The following ROBO2 variants were observed in gnomAD, a reference collection of about 807,000 sequenced individuals.
ROBO2 encodes the protein roundabout homolog 2.
In ROBO2, 53 loss-of-function variants were observed where a neutral mutation model predicts 160.8. That is an observed-to-expected ratio of 0.33 (90% CI 0.26 to 0.41). ROBO2 has a LOEUF of 0.41. ROBO2 is among the 10% of genes least tolerant of loss of function. The pLI is 1.00. For synonymous variants in ROBO2, 664 were observed against 611.7 expected (o/e 1.09, Z -1.26); for missense variants, 1,577 against 1,722.4 (o/e 0.92, Z 1.49).
chr3:77,020,999 G>A (rs933285972), intron 2 of ROBO2, among the ~76,000 whole-genome samples: 3 of 152,006 alleles, frequency 2.0e-5, no homozygotes, highest in Non-Finnish European at 4.4e-5. Flanking sequence ...GAGCTCAGGG[G>A]TTCAAGACCA....
intron 2 of ROBO2, among the ~76,000 whole-genome samples, chr3:77,285,054 T>C (rs2060489285): frequency 1.3e-5 from 2 of 152,024 alleles, no homozygotes; most frequent in African/African-American, 2.4e-5. Flanking sequence ...CCACAGACAG[T>C]ATTATCCCCT....
chr3:77,522,316 T>C (rs2090685236), intron 5 of ROBO2, among the ~76,000 whole-genome samples: 1 of 151,262 alleles, frequency 6.6e-6, no homozygotes. Flanking sequence ...TTTTGTCAAT[T>C]TGCCAACAAA....
At chr3:76,014,208 T>G (rs1046565732) in intron 2 of ROBO2, among the ~76,000 whole-genome samples, 4 of 130,238 alleles carry the variant, frequency 3.1e-5, no homozygotes, top group Non-Finnish European at 4.6e-5. Flanking sequence ...ATCCCAGAAG[T>G]AATATGTATA....
chr3:76,622,546 G>A (rs1411935875), intron 2 of ROBO2, among the ~76,000 whole-genome samples: 1 of 152,034 alleles, frequency 6.6e-6, no homozygotes, highest in African/African-American at 2.4e-5. Flanking sequence ...TACAACAGGA[G>A]TCATTCAAAA....
At chr3:76,625,606 A>C (rs1235494357) in intron 2 of ROBO2, among the ~76,000 whole-genome samples, 1 of 152,176 alleles carries the variant, frequency 6.6e-6, no homozygotes, top group Non-Finnish European at 1.5e-5. Context: ...TAAAAAAGGA[A>C]GTAAAGGAGG....
rs1418849487 is a variant in ROBO2 at position 77,333,658 on chromosome 3, C to T, written c.389-143756C>T. Among the ~76,000 whole-genome samples the T allele has an allele frequency of 2.6e-5, 4 of 152,162 alleles. No homozygotes were observed. The East Asian group carries it at 5.8e-4, about 22-fold the overall frequency. ...ACCATCACATATGCCTAAATTTTTA[C>T]GAATGTGTGTCCAGTATATTGTTAT... On this transcript the variant is annotated intron_variant, in intron 2 of 25. Coordinates refer to ENST00000461745, the Ensembl canonical transcript of ROBO2.
chr3:75,940,397 G>C (rs1947998157), intron 2 of ROBO2, among the ~76,000 whole-genome samples: 1 of 152,132 alleles, frequency 6.6e-6, no homozygotes, highest in Admixed American at 6.5e-5. Context: ...GGGATGAATG[G>C]TGGGTTGGAA....
chr3:76,595,047 G>A lies in ROBO2; in HGVS notation c.110-502967G>A, dbSNP rs553532127. Among the ~76,000 whole-genome samples, 22 of 152,046 alleles carry A rather than the reference G, an allele frequency of 1.4e-4. No homozygotes were observed. The South Asian group carries it at 3.1e-3, about 21-fold the overall frequency. Reference sequence around the variant, plus strand: ...GGATTAGTGCCCTGATGAGACTGGAGAAAGATGAGGATACATGGAGAAAAC... The same window carrying A: ...GGATTAGTGCCCTGATGAGACTGGAAAAAGATGAGGATACATGGAGAAAAC... On this transcript the variant is annotated intron_variant, in intron 2 of 26. Coordinates refer to the ROBO2 transcript ENST00000487694.
chr3:76,854,079 C>CCTCT (rs148459468), intron 2 of ROBO2, among the ~76,000 whole-genome samples: 80,338 of 132,042 alleles, frequency 0.61, 23,643 homozygotes, highest in Non-Finnish European at 0.65. Context: ...TCTCTGTCTG[C>CCTCT]CTCTCTCTCT....
At chr3:76,320,169 C>T (rs1028911495) in intron 2 of ROBO2, among the ~76,000 whole-genome samples, 5 of 152,064 alleles carry the variant, frequency 3.3e-5, no homozygotes, top group African/African-American at 4.8e-5. Context: ...ATCCAATTCA[C>T]TATTATGCAA....
intron 2 of ROBO2, among the ~76,000 whole-genome samples, chr3:75,941,467 T>C (rs2107074757): frequency 6.6e-6 from 1 of 152,304 alleles, no homozygotes; most frequent in Non-Finnish European, 1.5e-5. Context: ...GTAGCAAAAA[T>C]TTTAAACATT....
chr3:76,911,933 C>A (rs1046661829), intron 2 of ROBO2, among the ~76,000 whole-genome samples: 9 of 151,932 alleles, frequency 5.9e-5, no homozygotes, highest in Admixed American at 6.6e-5. Flanking sequence ...TGTATCACTG[C>A]ACTCCAGAAG....
chr3:77,204,095 A>C, intron 2 of ROBO2, among the ~76,000 whole-genome samples: 1 of 152,170 alleles, frequency 6.6e-6, no homozygotes, highest in Non-Finnish European at 1.5e-5. Flanking sequence ...ATGACTCACC[A>C]TCTTGGTTAT....
chr3:76,646,321 G>A lies in ROBO2; in HGVS notation c.110-451693G>A, dbSNP rs550943671. On this transcript the variant is annotated intron_variant, in intron 2 of 26. Coordinates refer to the ROBO2 transcript ENST00000487694. ...AACGCCGATGCAGAAAGAAGATGCC[G>A]AAAAGAAGGTTACTGAGAGTTTGCT... Among the ~76,000 whole-genome samples, 4 of 152,266 alleles carry A rather than the reference G, an allele frequency of 2.6e-5. 1 individual carries two copies. The South Asian group carries it at 6.2e-4, about 24-fold the overall frequency.
At chr3:76,191,312 C>T (rs557238960) in intron 2 of ROBO2, among the ~76,000 whole-genome samples, 94 of 152,150 alleles carry the variant, frequency 6.2e-4, no homozygotes, top group African/African-American at 2.1e-3. Flanking sequence ...GTGATCAATA[C>T]GCGTCCCAGG....
chr3:76,988,132 C>T (rs2149358127), intron 2 of ROBO2, among the ~76,000 whole-genome samples: 1 of 152,214 alleles, frequency 6.6e-6, no homozygotes, highest in South Asian at 2.1e-4. Context: ...ATCTTATAAC[C>T]TGTTAGAAAA....
intron 2 of ROBO2, among the ~76,000 whole-genome samples, chr3:76,646,301 C>T (rs780087214): frequency 3.9e-4 from 60 of 152,136 alleles, no homozygotes; most frequent in South Asian, 1.0e-3. Context: ...AAGCCAACGC[C>T]GATGCAGAAA....
At chr3:77,350,138 G>A (rs1002368763) in intron 2 of ROBO2, among the ~76,000 whole-genome samples, 1 of 151,592 alleles carries the variant, frequency 6.6e-6, no homozygotes, top group Admixed American at 6.6e-5. Flanking sequence ...GCCGTGTGCA[G>A]TGGCTCATGC....
chr3:76,730,075 GTAT>G (rs1480798599), intron 2 of ROBO2, among the ~76,000 whole-genome samples: 2 of 152,028 alleles, frequency 1.3e-5, no homozygotes, highest in African/African-American at 4.8e-5. Flanking sequence ...CCATCTATTA[GTAT>G]TATCCTTTCT....
Sources: gnomAD v4.1 joint callset for allele counts (sites outside exome capture counted in the v4.1 genomes callset) on GRCh38, gnomAD v4.1.1 for gene constraint, MANE v1.5 for transcripts, NCBI Gene and HGNC (gene_info 2026-07-23, HGNC 2026-07-21) for gene names.